SLC38A1: variants seen among roughly 807,000 people sequenced by gnomAD.
SLC38A1 encodes the protein solute carrier family 38 member 1, also known as sodium-coupled neutral amino acid symporter 1.
SLC38A1 carries 18 observed loss-of-function variants against 60.3 expected under a neutral mutation model. That is an observed-to-expected ratio of 0.30 (90% CI 0.21 to 0.44). The LOEUF (loss-of-function observed/expected upper bound fraction) is 0.44. Among genes scored for constraint, SLC38A1 ranks in the 20% least tolerant of loss-of-function variants. The pLI, the probability that SLC38A1 is intolerant of heterozygous loss-of-function variation, is 1.00. For missense variants in SLC38A1, 448 were observed against 587.2 expected (o/e 0.76, Z 2.45); for synonymous variants, 196 against 212.1 (o/e 0.92, Z 0.66).
chr12:46,242,879 C>A (rs759258814), intron 2 of SLC38A1, among the ~76,000 whole-genome samples: 1 of 152,120 alleles, frequency 6.6e-6, no homozygotes, highest in South Asian at 2.1e-4. Context: ...CTACCACCCC[C>A]AAATGGGCCA....
chr12:46,240,314 A>G (rs1308112990), intron 2 of SLC38A1, among the ~76,000 whole-genome samples: 9 of 152,144 alleles, frequency 5.9e-5, no homozygotes, highest in Admixed American at 5.9e-4. Context: ...CTCCTGCCTC[A>G]GCCTCCCAAG....
chr12:46,198,727 G>A lies in SLC38A1; in HGVS notation c.1020C>T (p.Asp340=), dbSNP rs752254012. The A allele has an allele frequency of 1.9e-6, 3 of 1,610,780 alleles. No homozygotes were observed. The African/African-American group carries it at 4.0e-5, about 22-fold the overall frequency. ...YLTFYDNVQS[D]LLHKYQSKDD... ...CTTTACTCTGATATTTGTGAAGGAG[G>A]TCGGACTGCACGTTGTCTAAAATGA... Residue 340 remains aspartate, a synonymous_variant, in exon 14 of 17, where the codon GAC becomes GAT. Coordinates refer to ENST00000398637, the MANE Select transcript of SLC38A1 (RefSeq NM_030674.4).
rs750692964 is a variant in SLC38A1 at position 46,268,151 on chromosome 12, C to G, written c.-209+375G>C. Among the ~76,000 whole-genome samples, 54 of 152,264 alleles carry G rather than the reference C, an allele frequency of 3.5e-4. No individual in the cohort carries two copies. Among genetic ancestry groups the G allele is most frequent in the Non-Finnish European group, 6.3e-4 (43 of 68,016 alleles). On this transcript the variant is annotated intron_variant, in intron 1 of 16. Coordinates refer to ENST00000398637, the MANE Select transcript of SLC38A1 (RefSeq NM_030674.4). This position sits in a 1 kb window ranked among gnomAD's most constrained non-coding sequence, Gnocchi z 4.4. ...CCAGAACACGGTCGCGCCCTCGGGT[C>G]AGCTGCGCTCTCCCTCCAGACGTGC...
chr12:46,249,805 G>C (rs1295795893), intron 1 of SLC38A1, among the ~76,000 whole-genome samples: 1 of 152,118 alleles, frequency 6.6e-6, no homozygotes, highest in African/African-American at 2.4e-5. Context: ...TGGAATCTCT[G>C]AATAGACCAA....
At chr12:46,193,997 G>A (rs1341416185) in intron 16 of SLC38A1, among the ~76,000 whole-genome samples, 2 of 152,082 alleles carry the variant, frequency 1.3e-5, no homozygotes, top group Admixed American at 6.5e-5. Flanking sequence ...TGGTTATTTT[G>A]CTCGTTAATT....
At chr12:46,250,187 G>T (rs139933998) in intron 1 of SLC38A1, among the ~76,000 whole-genome samples, 1 of 152,080 alleles carries the variant, frequency 6.6e-6, no homozygotes. Flanking sequence ...TTCAACATAC[G>T]CAAATCAATA....
rs187291877 is a variant in SLC38A1 at position 46,253,945 on chromosome 12, C to T, written c.-208-10631G>A. Among the ~76,000 whole-genome samples, 401 of 152,188 alleles carry T rather than the reference C, an allele frequency of 2.6e-3. 1 individual carries two copies. The highest frequency in any genetic ancestry group is 6.2e-3 in the South Asian group (30 of 4,824). On this transcript the variant is annotated intron_variant, in intron 1 of 16. Coordinates refer to ENST00000398637, the MANE Select transcript of SLC38A1 (RefSeq NM_030674.4). ...TCAGTATGGTGAGGGACATTTATGACTCTTAAGTTCTGACAAAAAGTAATA... is the reference window on the plus strand; with the variant it reads ...TCAGTATGGTGAGGGACATTTATGATTCTTAAGTTCTGACAAAAAGTAATA...
intron 3 of SLC38A1, among the ~76,000 whole-genome samples, chr12:46,232,194 A>T (rs1435884838): frequency 2.6e-5 from 4 of 152,164 alleles, no homozygotes; most frequent in Admixed American, 1.3e-4. Context: ...GACCAAAAGG[A>T]TGTGGAAGAA....
At chr12:46,210,328 T>C (rs934843830) in intron 5 of SLC38A1, among the ~76,000 whole-genome samples, 15 of 152,122 alleles carry the variant, frequency 9.9e-5, no homozygotes, top group Non-Finnish European at 1.6e-4. Flanking sequence ...GCAGAACAGA[T>C]GAACTGCCAG....
intron 14 of SLC38A1, 119 bp from the exon 15 acceptor site, chr12:46,198,179 A>C: frequency 1.8e-6 from 2 of 1,094,030 alleles, no homozygotes; most frequent in Non-Finnish European, 2.6e-6. Flanking sequence ...TGTAATGCCT[A>C]GTGAATTTAT....
rs937022401 is a variant in SLC38A1 at position 46,186,892 on chromosome 12, G to A, written c.*2078C>T. 2 of 152,144 alleles carry A rather than the reference G, an allele frequency of 1.3e-5. No homozygotes were observed. Among genetic ancestry groups the A allele is most frequent in the African/African-American group, 4.8e-5 (2 of 41,436 alleles). 9.4% of individuals were successfully genotyped at this position (152,144 alleles called of 1,614,324 possible). A position where few individuals can be genotyped will look rare whatever the true frequency, so the allele number is the denominator to read the frequency against. On this transcript the variant is annotated 3_prime_UTR_variant, in exon 17 of 17. Transcript: ENST00000398637. ...CAAACTAAATTATGTATTTTTAAAG[G>A]TACAGTCATCCCACTACCTGGCTAT...
chr12:46,256,636 CAGAG>C (rs1555192390), intron 1 of SLC38A1, among the ~76,000 whole-genome samples: 38 of 123,250 alleles, frequency 3.1e-4, no homozygotes, highest in African/African-American at 1.1e-3. Context: ...CACACACACA[CAGAG>C]AGAGAGAGAG....
intron 1 of SLC38A1, among the ~76,000 whole-genome samples, chr12:46,261,987 A>G (rs1156713138): frequency 2.0e-5 from 3 of 152,206 alleles, no homozygotes; most frequent in Non-Finnish European, 4.4e-5. Context: ...GCCACACACA[A>G]CAAAGAGCTG....
chr12:46,221,662 G>A (rs116359938), intron 5 of SLC38A1, among the ~76,000 whole-genome samples: 15 of 152,298 alleles, frequency 9.8e-5, no homozygotes, highest in African/African-American at 3.4e-4. Context: ...GAGCAGCTAC[G>A]TGCAAATGCT....
chr12:46,202,935 T>C (rs1939726976), intron 12 of SLC38A1, 75 bp downstream of exon 12: 6 of 1,122,764 alleles, frequency 5.3e-6, no homozygotes. Context: ...CAAGTCCGTT[T>C]ATTTTAATTG....
In SLC38A1 at chr12:46,216,854, C is replaced by T. The variant is rs985617488; in HGVS notation, c.315-7727G>A. On this transcript the variant is annotated intron_variant, in intron 5 of 16. Transcript: ENST00000398637. ...CAGCCTGGGTGACAGAGTGAGATGC[C>T]GTTTCAAAAAAAAAAAATCCTTTGT... Among the ~76,000 whole-genome samples, 86 of 143,548 alleles carry T rather than the reference C, an allele frequency of 6.0e-4. 1 individual carries two copies. The highest frequency in any genetic ancestry group is 2.2e-3 in the African/African-American group (82 of 36,692). The allele number at this position is 143,548 out of a possible 152,430, so 94.2% of individuals were successfully genotyped here.
intron 1 of SLC38A1, among the ~76,000 whole-genome samples, chr12:46,266,320 T>G (rs967788187): frequency 6.6e-6 from 1 of 152,170 alleles, no homozygotes; most frequent in African/African-American, 2.4e-5. Context: ...TGGCCTTAAT[T>G]CATGAAGCAT....
chr12:46,193,242 TTGAG>T (rs1939220946), intron 16 of SLC38A1, among the ~76,000 whole-genome samples: 2 of 152,226 alleles, frequency 1.3e-5, no homozygotes, highest in Non-Finnish European at 2.9e-5. Flanking sequence ...TTGTGTGGTT[TTGAG>T]TGAGTTTCAT....
At chr12:46,218,466 G>C (rs1286669767) in intron 5 of SLC38A1, among the ~76,000 whole-genome samples, 1 of 152,106 alleles carries the variant, frequency 6.6e-6, no homozygotes, top group Non-Finnish European at 1.5e-5. Flanking sequence ...TTCTGTTTTT[G>C]TGGTAACAAG....
Sources: gnomAD v4.1 joint callset for allele counts (sites outside exome capture counted in the v4.1 genomes callset) on GRCh38, gnomAD v4.1.1 for gene constraint, Gnocchi (gnomAD v3.1) non-coding constraint, MANE v1.5 for transcripts, NCBI Gene and HGNC (gene_info 2026-07-23, HGNC 2026-07-21) for gene names.